SCN2A: variants seen among roughly 807,000 people sequenced by gnomAD.
The protein encoded by SCN2A is sodium channel protein type 2 subunit alpha.
A neutral mutation model predicts 188.7 loss-of-function variants in SCN2A; 20 were observed. That is an observed-to-expected ratio of 0.11 (90% CI 0.07 to 0.15). The LOEUF is 0.15. SCN2A is among the 10% of genes least tolerant of loss of function. The probability of loss-of-function intolerance (pLI) is 1.00; values close to 1 mark genes in which losing one functional copy is unlikely to be tolerated. For synonymous variants in SCN2A, 804 were observed against 833.1 expected (o/e 0.97, Z 0.60); for missense variants, 1,278 against 2,445.0 (o/e 0.52, Z 10.07).
Position 165,375,442 on chromosome 2 carries a change from C to A in SCN2A, c.4254+476C>A, listed in dbSNP as rs933145678. ...ACACACACGTATTTCTATATACACA[C>A]GTATAGATATACACTGTATATGTAT... On this transcript the variant is annotated intron_variant, in intron 22 of 26. Coordinates refer to ENST00000375437, the MANE Select transcript of SCN2A (RefSeq NM_001040142.2). Among the ~76,000 whole-genome samples, 10 of 151,544 alleles carry A rather than the reference C, an allele frequency of 6.6e-5. No individual in the cohort carries two copies. The South Asian group carries it at 1.5e-3, about 22-fold the overall frequency.
chr2:165,323,471 C>G lies in SCN2A; in HGVS notation c.1987C>G (p.Leu663Val), dbSNP rs1017711579. The G allele has an allele frequency of 2.5e-6, 4 of 1,613,576 alleles. No individual in the cohort carries two copies. In the South Asian group the frequency reaches 4.4e-5, roughly 18 times the overall value. ...VVSLVGGPSTLTSAGQLLPEG... is the reference protein window; with the variant it reads ...VVSLVGGPSTVTSAGQLLPEG... Reference sequence around the variant, plus strand: ...CTCCCTGGTCGGGGGCCCTTCTACCCTCACATCTGCTGGGCAGCTCCTACC... The same window carrying G: ...CTCCCTGGTCGGGGGCCCTTCTACCGTCACATCTGCTGGGCAGCTCCTACC... Residue 663 changes from leucine to valine, a missense_variant, in exon 12 of 27, where the codon CTC becomes GTC. By Grantham distance (32) the Leu-to-Val change is conservative (BLOSUM62 1). This residue lies in a region of SCN2A where 315 missense variants were observed against 386.6 expected (regional missense o/e 0.81). Coordinates refer to ENST00000375437, the MANE Select transcript of SCN2A (RefSeq NM_001040142.2).
rs565961279 is a variant in SCN2A at position 165,305,611 on chromosome 2, G to A, written c.387-2237G>A. ...GAATTGGAACCTCCTGAAAGCAGAG[G>A]GAAGATAACTTAATGCTAAGGGGAG... is the stretch of plus-strand genomic sequence containing the variant. On this transcript the variant is annotated intron_variant, in intron 3 of 26. Transcript: ENST00000375437. 3.4e-3 allele frequency among the ~76,000 whole-genome samples: 342 copies of A among 101,554 alleles called. 1 individual carries two copies. Among genetic ancestry groups the A allele is most frequent in the African/African-American group, 0.013 (328 of 25,240 alleles). The allele number at this position is 101,554 out of a possible 152,430, so 66.6% of individuals were successfully genotyped here. A position where few individuals can be genotyped will look rare whatever the true frequency, so the allele number is the denominator to read the frequency against.
At chr2:165,283,531 A>G (rs1695678279) in intron 1 of SCN2A, among the ~76,000 whole-genome samples, 1 of 152,230 alleles carries the variant, frequency 6.6e-6, no homozygotes, top group Non-Finnish European at 1.5e-5. Context: ...GTATTGAGAA[A>G]ACAACTTCCG....
chr2:165,320,185 A>T (rs1366101713), intron 11 of SCN2A: 1 of 152,278 alleles, frequency 6.6e-6, no homozygotes, highest in Non-Finnish European at 1.5e-5. Context: ...CCAGCAGGGC[A>T]GTCAAATCTT....
At chr2:165,241,016 A>G (rs1208726677) in intron 1 of SCN2A, 2 of 152,148 alleles carry the variant, frequency 1.3e-5, no homozygotes, top group African/African-American at 2.4e-5. Flanking sequence ...ACTAAATTAC[A>G]ATAAGGCAAG....
chr2:165,360,219 A>G (rs1700391981), intron 17 of SCN2A, among the ~76,000 whole-genome samples: 2 of 151,956 alleles, frequency 1.3e-5, no homozygotes, highest in Non-Finnish European at 2.9e-5. Flanking sequence ...GAAAAATTTA[A>G]TAGGAAGTTA....
At chr2:165,310,127 T>C (rs1046658482) in intron 6 of SCN2A, among the ~76,000 whole-genome samples, 196 bp from the exon 7 acceptor site, 1 of 152,150 alleles carries the variant, frequency 6.6e-6, no homozygotes, top group African/African-American at 2.4e-5. Flanking sequence ...CTAATGAACA[T>C]ACAAGTTCTG....
chr2:165,306,089 T>C (rs1697110568), intron 3 of SCN2A, among the ~76,000 whole-genome samples: 1 of 152,134 alleles, frequency 6.6e-6, no homozygotes, highest in Admixed American at 6.5e-5. Flanking sequence ...TTGGTCTCAA[T>C]GTGGAAAAGT....
At chr2:165,351,384 G>A (rs1395229176) in intron 16 of SCN2A, among the ~76,000 whole-genome samples, 1 of 152,068 alleles carries the variant, frequency 6.6e-6, no homozygotes, top group East Asian at 1.9e-4. Flanking sequence ...GAATAGCATT[G>A]AATTGAGTTA....
chr2:165,324,759 G>A (rs978013066), intron 12 of SCN2A, among the ~76,000 whole-genome samples: 1 of 152,158 alleles, frequency 6.6e-6, no homozygotes, highest in African/African-American at 2.4e-5. Flanking sequence ...GCGTGGTGGA[G>A]CTAAGATTTG....
intron 1 of SCN2A, chr2:165,274,328 G>A (rs1574481501): frequency 6.7e-6 from 1 of 150,106 alleles, no homozygotes; most frequent in South Asian, 2.1e-4. Context: ...AACCAGGAGA[G>A]GGATTATCCT....
At chr2:165,334,806 T>G (rs148196305) in intron 14 of SCN2A, among the ~76,000 whole-genome samples, 3 of 151,574 alleles carry the variant, frequency 2.0e-5, no homozygotes, top group Non-Finnish European at 3.0e-5. Context: ...GCATCTAGAT[T>G]GGAACACAAG....
Position 165,389,311 on chromosome 2 carries a change from C to T in SCN2A, c.5505C>T (p.Asn1835=), listed in dbSNP as rs6706924. 178 of 1,614,082 alleles carry T rather than the reference C, an allele frequency of 1.1e-4. 1 individual carries two copies. In the African/African-American group the frequency reaches 2.0e-3, roughly 18 times the overall value. ...LDPPLLIAKP[N]KVQLIAMDLP... ...CTCCTCTTCTCATAGCAAAACCCAA[C>T]AAAGTCCAGCTCATTGCCATGGATC... Residue 1835 remains asparagine (N), a synonymous_variant, in exon 27 of 27, where the codon AAC becomes AAT. Transcript: ENST00000375437. The surrounding 1 kb of genome is among the most constrained non-coding windows in gnomAD (Gnocchi z 4.2).
At chr2:165,300,718 A>G (rs1010294505) in intron 3 of SCN2A, among the ~76,000 whole-genome samples, 1 of 152,202 alleles carries the variant, frequency 6.6e-6, no homozygotes, top group African/African-American at 2.4e-5. Context: ...AGAGGATGAC[A>G]TCAGTGGGAG....
chr2:165,298,997 G>A (rs1297745319), intron 3 of SCN2A, among the ~76,000 whole-genome samples: 2 of 152,120 alleles, frequency 1.3e-5, no homozygotes, highest in Non-Finnish European at 2.9e-5. Flanking sequence ...TCTGAATGAT[G>A]AGATGGAGTT....
chr2:165,381,105 G>A lies in SCN2A; in HGVS notation c.4459G>A (p.Asp1487Asn). The A allele has an allele frequency of 6.3e-7, 1 of 1,585,198 alleles. No individual in the cohort carries two copies. The highest frequency in any genetic ancestry group is 8.6e-7 in the Non-Finnish European group (1 of 1,164,100). Residue 1487 changes from aspartate (D) to asparagine (N), a missense_variant, in exon 25 of 27, where the codon GAC (aspartate) becomes AAC (asparagine). Physicochemically the swap from Asp to Asn is conservative, Grantham distance 23. Coordinates refer to ENST00000375437, the MANE Select transcript of SCN2A (RefSeq NM_001040142.2). Reference protein sequence around the residue: ...NQQKKKFGGQDIFMTEEQKKY... With the variant: ...NQQKKKFGGQNIFMTEEQKKY... The stretch of plus-strand genomic sequence containing the variant: ...TTCATTTCTTTACTTTGGAGGTCAA[G>A]ACATTTTTATGACAGAAGAACAGAA...
At chr2:165,367,130 T>C in intron 18 of SCN2A, 87 bp from the exon 19 acceptor site, 1 of 1,239,102 alleles carries the variant, frequency 8.1e-7, no homozygotes, top group Non-Finnish European at 1.2e-6. Context: ...TATTATCAGG[T>C]AATAATGTAA....
intron 21 of SCN2A, among the ~76,000 whole-genome samples, chr2:165,374,034 A>G (rs1701184845): frequency 6.6e-6 from 1 of 152,136 alleles, no homozygotes; most frequent in South Asian, 2.1e-4. Flanking sequence ...TGTTATAGTG[A>G]TACTAGCTCA....
rs778275125 is a variant in SCN2A at position 165,326,901 on chromosome 2, A to G, written c.2066A>G (p.His689Arg). 9 of 1,613,980 alleles carry G rather than the reference A, an allele frequency of 5.6e-6. No homozygotes were observed. Among genetic ancestry groups the G allele is most frequent in the Non-Finnish European group, 6.8e-6 (8 of 1,179,888 alleles). Residue 689 changes from histidine (H) to arginine (R), a missense_variant, in exon 13 of 27, where the codon CAT becomes CGT. Coordinates refer to ENST00000375437, the MANE Select transcript of SCN2A (RefSeq NM_001040142.2). ...AGAAAGAGACGGTCCAGTTCTTATC[A>G]TGTTTCCATGGATTTATTGGAAGAT... ...EIRKRRSSSY[H>R]VSMDLLEDPT... is the part of the protein sequence containing the mutation.
Sources: gnomAD v4.1 joint callset for allele counts (sites outside exome capture counted in the v4.1 genomes callset) on GRCh38, gnomAD v4.1.1 for gene constraint, gnomAD v4.1.1 regional missense constraint, Gnocchi (gnomAD v3.1) non-coding constraint, MANE v1.5 for transcripts, NCBI Gene and HGNC (gene_info 2026-07-23, HGNC 2026-07-21) for gene names.